The following CNTNAP2 variants were observed in gnomAD, a reference collection of about 807,000 sequenced individuals.
CNTNAP2 encodes contactin-associated protein-like 2.
A neutral mutation model predicts 155.2 loss-of-function variants in CNTNAP2; 98 were observed. The observed-to-expected ratio is 0.63, with a 90% CI of 0.54 to 0.75. The LOEUF is 0.75. Ranked by LOEUF, CNTNAP2 falls within the 30% of genes least tolerant of loss-of-function variation. The pLI is 0.00. For missense variants in CNTNAP2, 1,727 were observed against 1,688.1 expected (o/e 1.02, Z -0.40); for synonymous variants, 651 against 631.2 (o/e 1.03, Z -0.47).
intron 17 of CNTNAP2, among the ~76,000 whole-genome samples, chr7:148,162,607 C>G (rs1217726135): frequency 6.6e-6 from 1 of 152,228 alleles, no homozygotes; most frequent in African/African-American, 2.4e-5. Context: ...AGTGTCTTCT[C>G]TTTGTTGGCT....
intron 1 of CNTNAP2, among the ~76,000 whole-genome samples, chr7:146,229,677 T>C (rs936551961): frequency 1.3e-5 from 2 of 152,196 alleles, no homozygotes; most frequent in African/African-American, 4.8e-5. Flanking sequence ...CTTTTGGTAG[T>C]AAACTTCTCT....
At chr7:148,023,527 T>C (rs1214166806) in intron 15 of CNTNAP2, among the ~76,000 whole-genome samples, 1 of 152,178 alleles carries the variant, frequency 6.6e-6, no homozygotes, top group African/African-American at 2.4e-5. Flanking sequence ...GAAATGCCAA[T>C]AGCCCTGTAG....
At chr7:147,281,334 A>T (rs976003241) in intron 8 of CNTNAP2, among the ~76,000 whole-genome samples, 18 of 151,908 alleles carry the variant, frequency 1.2e-4, no homozygotes, top group Admixed American at 2.6e-4. Flanking sequence ...AAAATGGATT[A>T]GCCAAAAGCT....
chr7:147,154,147 A>G (rs1801878777), intron 8 of CNTNAP2, among the ~76,000 whole-genome samples: 1 of 152,170 alleles, frequency 6.6e-6, no homozygotes, highest in Admixed American at 6.5e-5. Context: ...AGATGTAATA[A>G]CATTCATAAT....
At chr7:146,673,834 C>T (rs573005997) in intron 1 of CNTNAP2, among the ~76,000 whole-genome samples, 4 of 152,168 alleles carry the variant, frequency 2.6e-5, no homozygotes, top group Non-Finnish European at 5.9e-5. Context: ...CTTCCCACCC[C>T]AGCCTCCCAA....
At chr7:146,832,086 T>C (rs1052061114) in intron 2 of CNTNAP2, among the ~76,000 whole-genome samples, 4 of 152,198 alleles carry the variant, frequency 2.6e-5, no homozygotes, top group Admixed American at 1.3e-4. Context: ...GAAGCCTGTT[T>C]ATCCACTTCT....
At chr7:146,705,900 T>C (rs1800957764) in intron 1 of CNTNAP2, among the ~76,000 whole-genome samples, 1 of 152,146 alleles carries the variant, frequency 6.6e-6, no homozygotes, top group African/African-American at 2.4e-5. Flanking sequence ...GGTATCCAAC[T>C]CATTCTTAGG....
intron 11 of CNTNAP2, among the ~76,000 whole-genome samples, chr7:147,533,365 A>C (rs1056908622): frequency 1.3e-5 from 2 of 152,186 alleles, no homozygotes. Context: ...AACCTCATAA[A>C]TATGAAACCT....
At chr7:147,069,612 G>T (rs1041035391) in intron 4 of CNTNAP2, among the ~76,000 whole-genome samples, 1 of 152,124 alleles carries the variant, frequency 6.6e-6, no homozygotes, top group African/African-American at 2.4e-5. Context: ...ATAAATAATG[G>T]AATTAAAGCT....
At chr7:148,147,770 C>CAA (rs5888307) in intron 17 of CNTNAP2, 61 bp downstream of exon 17, 374 of 1,236,096 alleles carry the variant, frequency 3.0e-4, no homozygotes, top group Middle Eastern at 5.5e-4. Flanking sequence ...CTGCACAATA[C>CAA]AAAAAAAAAA....
chr7:147,060,768 G>A (rs184042761), intron 4 of CNTNAP2, among the ~76,000 whole-genome samples: 9,806 of 152,122 alleles, frequency 0.064, 423 homozygotes, highest in Middle Eastern at 0.13. Flanking sequence ...GGAGGCTGAG[G>A]CAGGAGAATG....
intron 1 of CNTNAP2, among the ~76,000 whole-genome samples, chr7:146,585,726 A>C (rs1798679239): frequency 6.6e-6 from 1 of 150,654 alleles, no homozygotes; most frequent in Non-Finnish European, 1.5e-5. Flanking sequence ...AAGGAAAGAA[A>C]GAAGAAAGAA....
chr7:147,020,011 GTATGGT>G (rs1422219634), intron 3 of CNTNAP2, among the ~76,000 whole-genome samples: 11 of 151,962 alleles, frequency 7.2e-5, no homozygotes, highest in Non-Finnish European at 1.5e-4. Flanking sequence ...GTATGGTATG[GTATGGT>G]ATAGTACAGT....
chr7:146,262,514 C>T (rs1227962742), intron 1 of CNTNAP2, among the ~76,000 whole-genome samples: 1 of 152,138 alleles, frequency 6.6e-6, no homozygotes, highest in Non-Finnish European at 1.5e-5. Flanking sequence ...ATGCATATAA[C>T]ATTTTTCCAA....
chr7:146,313,862 G>A (rs1358792693), intron 1 of CNTNAP2, among the ~76,000 whole-genome samples: 2 of 152,040 alleles, frequency 1.3e-5, no homozygotes, highest in East Asian at 3.9e-4. Flanking sequence ...AGCCAGGTGT[G>A]GTAGCACATA....
At chr7:148,251,627 A>C (rs1796363788) in intron 20 of CNTNAP2, among the ~76,000 whole-genome samples, 1 of 152,128 alleles carries the variant, frequency 6.6e-6, no homozygotes. Flanking sequence ...GAAAACATAA[A>C]AACCCTCCTC....
Position 146,938,426 on chromosome 7 carries a change from C to CAT in CNTNAP2, c.402+98523_402+98524dup, listed in dbSNP as rs772285667. On this transcript the variant is annotated intron_variant, in intron 3 of 23. Coordinates refer to ENST00000361727, the MANE Select transcript of CNTNAP2 (RefSeq NM_014141.6). Reference sequence around the variant, plus strand: ...TATTATATATACATATATGTGTGTACATGTATACATGTGTGTATACATATG... The same window carrying CAT: ...TATTATATATACATATATGTGTGTACATATGTATACATGTGTGTATACATATG... Among the ~76,000 whole-genome samples, 13 of 149,236 alleles carry CAT rather than the reference C, an allele frequency of 8.7e-5. No homozygotes were observed. The East Asian group carries it at 2.2e-3, about 25-fold the overall frequency.
At chr7:148,380,591 AT>A (rs1799033830) in intron 21 of CNTNAP2, among the ~76,000 whole-genome samples, 1 of 151,868 alleles carries the variant, frequency 6.6e-6, no homozygotes, top group African/African-American at 2.4e-5. Flanking sequence ...AATATAGTCT[AT>A]TTTTCAAAGA....
At chr7:146,767,339 A>G (rs886944916) in intron 1 of CNTNAP2, among the ~76,000 whole-genome samples, 5 of 152,216 alleles carry the variant, frequency 3.3e-5, no homozygotes, top group Non-Finnish European at 5.9e-5. Context: ...GGGAATTTCT[A>G]TGATAGATCA....
Sources: allele counts gnomAD v4.1 joint callset (sites outside exome capture counted in the v4.1 genomes callset), GRCh38; gene constraint gnomAD v4.1.1; transcripts MANE v1.5; gene names NCBI Gene and HGNC (gene_info 2026-07-23, HGNC 2026-07-21).